CA4: variants seen among roughly 807,000 people sequenced by gnomAD.
CA4 encodes the protein CA-IV.
In CA4, 24 loss-of-function variants were observed where a neutral mutation model predicts 34.5. The ratio of observed to expected loss-of-function variants is 0.70; its 90% confidence interval spans 0.50 to 0.98. CA4 has a LOEUF of 0.98. Ranked by LOEUF, CA4 falls within the 50% of genes least tolerant of loss-of-function variation. The pLI is 0.00. For synonymous variants in CA4, 178 were observed against 170.6 expected, an observed-to-expected ratio of 1.04 and a Z score of -0.34; for missense variants, 394 against 396.7, an observed-to-expected ratio of 0.99 and a Z score of 0.06.
intron 5 of CA4, among the ~76,000 whole-genome samples, chr17:60,168,326 G>C (rs899195434): frequency 2.2e-5 from 2 of 90,718 alleles, no homozygotes; most frequent in Non-Finnish European, 4.5e-5. Flanking sequence ...TTATTTTTTG[G>C]GGGGGAGGTG....
intron 7 of CA4, 41 bp downstream of exon 7, chr17:60,158,487 G>T (rs1377402199): frequency 6.2e-7 from 1 of 1,600,864 alleles, no homozygotes; most frequent in Non-Finnish European, 8.5e-7. Flanking sequence ...CCCACTGCCT[G>T]GCTCCCCAGA....
At chr17:60,164,817 GAGCACCAGGTTTACGACACAGA>G (rs2083838917) in intron 5 of CA4, among the ~76,000 whole-genome samples, 1 of 151,994 alleles carries the variant, frequency 6.6e-6, no homozygotes, top group Non-Finnish European at 1.5e-5. Context: ...GCAGGCACAG[GAGCACCAGGTTTACGACACAGA>G]AGCCAAGAGA....
Position 60,155,201 on chromosome 17 carries a change from C to A in CA4, c.59-113C>A. ...AATCCTGCTGCCAGGAACACTCCAT[C>A]CCAGCCCAAGAGGGGCTCCAACCCC... On this transcript the variant is annotated intron_variant, in intron 1 of 7. Transcript: ENST00000300900. The A allele has an allele frequency of 4.3e-6, 4 of 936,648 alleles. No individual in the cohort carries two copies. In the Admixed American group the frequency reaches 6.0e-5, roughly 14 times the overall value. 58.0% of individuals were successfully genotyped at this position (936,648 alleles called of 1,614,324 possible). A position where few individuals can be genotyped will look rare whatever the true frequency, so the allele number is the denominator to read the frequency against.
intron 5 of CA4, among the ~76,000 whole-genome samples, chr17:60,166,090 A>G (rs919544184): frequency 2.6e-5 from 4 of 152,110 alleles, no homozygotes; most frequent in Non-Finnish European, 5.9e-5. Flanking sequence ...AATGGGGCAC[A>G]CCTTCTAGTA....
At chr17:60,159,625 AG>A, downstream of CA4, 1 of 646,662 alleles carries the variant, frequency 1.5e-6, no homozygotes. Context: ...CTCCTGTTCC[AG>A]GGCGGGGGCT....
intron 3 of CA4, 51 bp from the exon 4 acceptor site, chr17:60,157,376 A>G (rs779618561): frequency 1.0e-5 from 16 of 1,605,262 alleles, no homozygotes; most frequent in Non-Finnish European, 1.3e-5. Flanking sequence ...GAAGAGCTAG[A>G]GGAGGCTGAG....
downstream of CA4, among the ~76,000 whole-genome samples, chr17:60,164,366 GTCTGTCTTTCTT>G (rs2083833448): frequency 1.4e-5 from 2 of 142,222 alleles, no homozygotes; most frequent in African/African-American, 5.3e-5. Context: ...CTGTCTGTCT[GTCTGTCTTTCTT>G]TCTTTCTTTC....
intron 1 of CA4, among the ~76,000 whole-genome samples, chr17:60,154,247 G>A (rs1465223894): frequency 7.1e-6 from 1 of 140,580 alleles, no homozygotes; most frequent in East Asian, 2.5e-4. Flanking sequence ...TGGGGTGGGT[G>A]GGAGGGGTGG....
chr17:60,159,199 C>T, intron 7 of CA4, 31 bp from the exon 8 acceptor site: 2 of 1,569,062 alleles, frequency 1.3e-6, no homozygotes, highest in Non-Finnish European at 1.7e-6. Context: ...CTCCCCCTGC[C>T]CCGACCTGCT....
At chr17:60,176,980 G>A in the CA4 span, among the ~76,000 whole-genome samples, 1 of 152,200 alleles carries the variant, frequency 6.6e-6, no homozygotes, top group Non-Finnish European at 1.5e-5. Flanking sequence ...GCAAGGGGGA[G>A]CGGCTCTAAA....
intron 5 of CA4, 62 bp from the exon 6 acceptor site, chr17:60,157,999 T>G: frequency 6.3e-7 from 1 of 1,597,612 alleles, no homozygotes; most frequent in Non-Finnish European, 8.5e-7. Context: ...ATCGGGAGAA[T>G]GAACTGGCCA....
At chr17:60,165,305 C>T (rs538546710) in intron 5 of CA4, among the ~76,000 whole-genome samples, 5 of 152,268 alleles carry the variant, frequency 3.3e-5, no homozygotes, top group African/African-American at 9.6e-5. Context: ...CTGTCCCAAC[C>T]GTACACAGAA....
In CA4 at chr17:60,158,079, G is replaced by A. The variant is rs1443641252; in HGVS notation, c.532G>A (p.Glu178Lys). 8 of 1,613,912 alleles carry A rather than the reference G, an allele frequency of 5.0e-6. No individual in the cohort carries two copies. The highest frequency in any genetic ancestry group is 2.2e-5 in the East Asian group (1 of 44,868). ...TTTCCAGGCTGGAACCCAGGTGAAC[G>A]AGGGCTTCCAGCCACTGGTGGAGGC... Reference protein sequence around the residue: ...FLVEAGTQVNEGFQPLVEALS... With the variant: ...FLVEAGTQVNKGFQPLVEALS... Residue 178 changes from glutamate to lysine, a missense_variant, in exon 6 of 8, where the codon GAG (glutamate) becomes AAG (lysine). Coordinates refer to ENST00000300900, the MANE Select transcript of CA4 (RefSeq NM_000717.5).
At chr17:60,162,576 C>G (rs1347098137), downstream of CA4, among the ~76,000 whole-genome samples, 1 of 151,916 alleles carries the variant, frequency 6.6e-6, no homozygotes, top group East Asian at 1.9e-4. Context: ...CACACACACA[C>G]ACACACACAC....
At chr17:60,164,773 T>C (rs890993110) in intron 5 of CA4, among the ~76,000 whole-genome samples, 2 of 151,924 alleles carry the variant, frequency 1.3e-5, no homozygotes, top group Non-Finnish European at 2.9e-5. Context: ...GGGCTCTTCC[T>C]CCGAGACTCC....
downstream of CA4, among the ~76,000 whole-genome samples, chr17:60,175,668 C>CA (rs150949660): frequency 2.1e-4 from 17 of 81,518 alleles, no homozygotes; most frequent in South Asian, 5.3e-4. Flanking sequence ...AACTCCGTCT[C>CA]AAAAAAAAAA....
chr17:60,157,633 A>G, intron 4 of CA4, 57 bp from the exon 5 acceptor site: 1 of 1,613,428 alleles, frequency 6.2e-7, no homozygotes. Context: ...TGCCTTGGGC[A>G]AGGAGGGTAG....
chr17:60,156,124 C>A (rs2083679749), intron 2 of CA4, among the ~76,000 whole-genome samples: 1 of 152,154 alleles, frequency 6.6e-6, no homozygotes, highest in African/African-American at 2.4e-5. Flanking sequence ...CCGGGGGTCC[C>A]ACTCCACAGT....
chr17:60,156,725 A>G lies in CA4; in HGVS notation c.268+10A>G. 1 of 1,613,136 alleles carries G rather than the reference A, an allele frequency of 6.2e-7. No homozygotes were observed. Among genetic ancestry groups the G allele is most frequent in the Non-Finnish European group, 8.5e-7 (1 of 1,179,136 alleles). ...AATAACGGGCACTCAGGTGGGCTGG[A>G]TGGAGGCCCCAGGCAGGCCTGGGCA... On this transcript the variant is annotated intron_variant, in intron 3 of 7. Transcript: ENST00000300900.
Sources: allele counts gnomAD v4.1 joint callset (sites outside exome capture counted in the v4.1 genomes callset), GRCh38; gene constraint gnomAD v4.1.1; transcripts MANE v1.5; gene names NCBI Gene and HGNC (gene_info 2026-07-23, HGNC 2026-07-21).